The following ADCK5 variants were observed in gnomAD, a reference collection of about 807,000 sequenced individuals.
The protein encoded by ADCK5 is aarF domain containing kinase 5.
In ADCK5, 43 loss-of-function variants were observed where a neutral mutation model predicts 64.9. The ratio of observed to expected loss-of-function variants is 0.66; its 90% CI spans 0.52 to 0.85. The LOEUF (loss-of-function observed/expected upper bound fraction) is 0.85, where lower values mean the gene tolerates loss of function less well. Ranked by LOEUF, ADCK5 falls within the 40% of genes least tolerant of loss-of-function variation. ADCK5 has a pLI of 0.00. For synonymous variants in ADCK5, 434 were observed against 342.8 expected (o/e 1.27, Z -2.94); for missense variants, 760 against 810.5 (o/e 0.94, Z 0.76).
In ADCK5 at chr8:144,392,833, C is replaced by G. The variant is rs1353021491; in HGVS notation, c.1578C>G (p.Thr526=). Residue 526 remains threonine (T), a synonymous_variant, in exon 14 of 15, where the codon ACC becomes ACG. Transcript: ENST00000308860. ...CCACGTATCGGGGTGTCTACGGCAC[C>G]AGCCTCCTGCGCCACGCCAAGGTCG... is the stretch of plus-strand genomic sequence containing the variant. The part of the protein sequence containing the change: ...AGATYRGVYG[T]SLLRHAKVVW... 10 of 1,592,532 alleles carry G rather than the reference C, an allele frequency of 6.3e-6. No individual in the cohort carries two copies. The highest frequency in any genetic ancestry group is 8.5e-6 in the Non-Finnish European group (10 of 1,173,754).
chr8:144,375,742 A>C (rs1173795739), intron 1 of ADCK5: 2 of 803,068 alleles, frequency 2.5e-6, no homozygotes, highest in African/African-American at 3.7e-5. Context: ...CAGACTGCAC[A>C]CACTCACCAT....
At chr8:144,381,142 G>A (rs1819608357) in intron 2 of ADCK5, among the ~76,000 whole-genome samples, 2 of 145,760 alleles carry the variant, frequency 1.4e-5, no homozygotes, top group Admixed American at 6.8e-5. Context: ...GCTGCACTAA[G>A]GATTATGGGC....
chr8:144,390,592 A>G, intron 3 of ADCK5, 79 bp from the exon 4 acceptor site: 2 of 1,433,774 alleles, frequency 1.4e-6, no homozygotes, highest in Non-Finnish European at 9.6e-7. Context: ...AGGCTAGACC[A>G]TGAGGGCTCT....
At position 144,374,862 on chromosome 8, in the gene ADCK5, C is replaced by T. The variant is rs1345927902; in HGVS notation, c.12+755C>T. On this transcript the variant is annotated intron_variant, in intron 1 of 14. Transcript: ENST00000308860. ...CCGCTCCCACGTCGCCGCCGGGTCC[C>T]GTTGCTCTGTCCCTGCGGTTAGGAC... Among the ~76,000 whole-genome samples the T allele has an allele frequency of 2.0e-5, 3 of 152,332 alleles. No homozygotes were observed. The East Asian group carries it at 5.8e-4, about 29-fold the overall frequency.
chr8:144,388,867 G>A (rs1327749082), intron 3 of ADCK5, among the ~76,000 whole-genome samples: 1 of 152,204 alleles, frequency 6.6e-6, no homozygotes, highest in African/African-American at 2.4e-5. Context: ...GGGTCGCCCT[G>A]GGTTGATGGG....
In ADCK5 at chr8:144,379,423, A is replaced by G; in HGVS notation, c.49A>G (p.Ser17Gly). ...LCHFHSALLHSRQKPWPSPAV... is the reference protein window; with the variant it reads ...LCHFHSALLHGRQKPWPSPAV... ...TCATTTCCACTCTGCTCTGCTGCAC[A>G]GCAGGCAGAAGCCCTGGCCGTCCCC... Residue 17 changes from serine (S) to glycine (G), a missense_variant, in exon 2 of 15, where the codon AGC becomes GGC. This residue lies in a region of ADCK5 where 427 missense variants were observed against 518.4 expected (regional missense o/e 0.82). Coordinates refer to ENST00000308860, the MANE Select transcript of ADCK5 (RefSeq NM_174922.5). 2.5e-6 allele frequency: 4 copies of G among 1,610,698 alleles called. No homozygotes were observed. The highest frequency in any genetic ancestry group is 3.4e-6 in the Non-Finnish European group (4 of 1,178,292).
chr8:144,389,379 C>T (rs1471244251), intron 3 of ADCK5: 1 of 456,256 alleles, frequency 2.2e-6, no homozygotes, highest in African/African-American at 2.0e-5. Flanking sequence ...TCAGCCCTGC[C>T]CCCTTGCTGC....
chr8:144,392,413 C>CCCCCG, intron 12 of ADCK5, 32 bp from the exon 13 acceptor site: 2 of 1,457,976 alleles, frequency 1.4e-6, no homozygotes, highest in Non-Finnish European at 1.8e-6. Flanking sequence ...CCACTCAGAG[C>CCCCCG]CCCCTCCCTC....
intron 1 of ADCK5, among the ~76,000 whole-genome samples, chr8:144,377,651 G>A (rs1819420530): frequency 1.3e-5 from 2 of 152,170 alleles, no homozygotes; most frequent in South Asian, 4.2e-4. Context: ...CCTGACCCTT[G>A]GGACTTCTTT....
At chr8:144,387,441 C>T (rs1819972497) in intron 3 of ADCK5, among the ~76,000 whole-genome samples, 1 of 152,050 alleles carries the variant, frequency 6.6e-6, no homozygotes, top group Non-Finnish European at 1.5e-5. Context: ...TGCTCTGTCA[C>T]TCAGGCTGGA....
chr8:144,385,009 G>T (rs1586585793), intron 3 of ADCK5, among the ~76,000 whole-genome samples: 1 of 152,124 alleles, frequency 6.6e-6, no homozygotes, highest in South Asian at 2.1e-4. Context: ...AGGGGCCCAG[G>T]AAGGAGCGCG....
intron 12 of ADCK5, 33 bp from the exon 13 acceptor site, chr8:144,392,412 G>A (rs1820308696): frequency 6.8e-7 from 1 of 1,475,036 alleles, no homozygotes; most frequent in Non-Finnish European, 9.0e-7. Flanking sequence ...CCCACTCAGA[G>A]CCCCCTCCCT....
At position 144,392,779 on chromosome 8, in the gene ADCK5, T is replaced by C. The variant is rs1554861542; in HGVS notation, c.1524T>C (p.Ala508=). ...GCGCTAACGCGGGTGTGTGCAGGGCTGTCCGGGGCTGGAGCCGCCTGGCGG... is the reference window on the plus strand; with the variant it reads ...GCGCTAACGCGGGTGTGTGCAGGGCCGTCCGGGGCTGGAGCCGCCTGGCGG... ...VDRYFLMAKR[A]VRGWSRLAGA... Residue 508 remains alanine (A), a synonymous_variant, in exon 14 of 15, where the codon GCT becomes GCC. Transcript: ENST00000308860. The C allele has an allele frequency of 1.9e-6, 3 of 1,592,658 alleles. No homozygotes were observed. The highest frequency in any genetic ancestry group is 2.6e-6 in the Non-Finnish European group (3 of 1,173,548).
In ADCK5 at chr8:144,391,771, T is replaced by C. The variant is rs1554860741; in HGVS notation, c.931-12T>C. The C allele has an allele frequency of 6.5e-7, 1 of 1,543,760 alleles. No individual in the cohort carries two copies. Among genetic ancestry groups the C allele is most frequent in the African/African-American group, 1.4e-5 (1 of 73,708 alleles). The stretch of plus-strand genomic sequence containing the variant: ...GCTGGGCCTGCTGAGCCCAGCCTCT[T>C]GCTCTCCCCAGCGCGTGCTCACTGC... On this transcript the variant is annotated splice_polypyrimidine_tract_variant and intron_variant, in intron 8 of 14. Coordinates refer to ENST00000308860, the MANE Select transcript of ADCK5 (RefSeq NM_174922.5).
At chr8:144,389,315 C>T (rs782567038) in intron 3 of ADCK5, 7 of 456,654 alleles carry the variant, frequency 1.5e-5, no homozygotes, top group South Asian at 9.3e-5. Context: ...CTCCTCTCTT[C>T]CTAGTGGACC....
intron 12 of ADCK5, 36 bp downstream of exon 12, chr8:144,392,381 A>G (rs1554861191): frequency 1.9e-5 from 28 of 1,476,196 alleles, no homozygotes; most frequent in Non-Finnish European, 2.4e-5. Flanking sequence ...GCACCACAGA[A>G]GGGAGTCGGG....
chr8:144,380,912 A>C (rs1819587578), intron 2 of ADCK5, among the ~76,000 whole-genome samples: 1 of 71,852 alleles, frequency 1.4e-5, no homozygotes, highest in Admixed American at 1.3e-4. Context: ...GTGCTCAGGC[A>C]CCTGCCCCAC....
intron 3 of ADCK5, among the ~76,000 whole-genome samples, chr8:144,387,560 C>A (rs1273558973): frequency 1.3e-5 from 2 of 152,110 alleles, no homozygotes; most frequent in Non-Finnish European, 2.9e-5. Context: ...TGCCACCACA[C>A]CCAGCTAATT....
chr8:144,377,909 T>A (rs1388114268), intron 1 of ADCK5, among the ~76,000 whole-genome samples: 14 of 152,168 alleles, frequency 9.2e-5, no homozygotes, highest in Non-Finnish European at 1.5e-5. Flanking sequence ...CACTGGTCAG[T>A]GGTCTCAGCA....
Sources: gnomAD v4.1 joint callset for allele counts (sites outside exome capture counted in the v4.1 genomes callset) on GRCh38, gnomAD v4.1.1 for gene constraint, gnomAD v4.1.1 regional missense constraint, MANE v1.5 for transcripts, NCBI Gene and HGNC (gene_info 2026-07-23, HGNC 2026-07-21) for gene names.